The following SWI5 variants were observed in gnomAD, a reference collection of about 807,000 sequenced individuals.
SWI5 encodes SWI5 homologous recombination repair protein.
Under a neutral mutation model 17.0 loss-of-function variants are expected in SWI5, and 12 were observed. The ratio of observed to expected loss-of-function variants is 0.71; its 90% CI spans 0.45 to 1.14. The LOEUF (loss-of-function observed/expected upper bound fraction) is 1.14, where lower values mean the gene tolerates loss of function less well. Among genes scored for constraint, SWI5 ranks in the 50% most tolerant of loss-of-function variants. The pLI is 0.00. For synonymous variants in SWI5, 61 were observed against 64.0 expected, an observed-to-expected ratio of 0.95 and a Z score of 0.22; for missense variants, 158 against 162.2, an observed-to-expected ratio of 0.97 and a Z score of 0.14.
At chr9:128,288,952 A>G (rs1831692830) in exon 5 of SWI5, 5 of 573,880 alleles carry the variant, frequency 8.7e-6, no homozygotes, top group South Asian at 4.2e-5. Context: ...GTAGGGGTAC[A>G]TGTACTTTAT....
chr9:128,275,576 G>C (rs1343172977), upstream of SWI5: 1 of 1,097,206 alleles, frequency 9.1e-7, no homozygotes, highest in Non-Finnish European at 1.2e-6. Context: ...TGAATTGCTG[G>C]GGTCCTAGGT....
upstream of SWI5, chr9:128,275,406 C>A (rs1034070368): frequency 7.8e-7 from 1 of 1,287,052 alleles, no homozygotes; most frequent in Non-Finnish European, 9.9e-7. Context: ...CGCCGCTCCG[C>A]GATGGGGGAG....
chr9:128,284,614 C>T, exon 3 of SWI5: 19 of 1,613,706 alleles, frequency 1.2e-5, no homozygotes, highest in Non-Finnish European at 1.6e-5. Context: ...ACAAGGAGAT[C>T]TCCCAGTTCG....
rs758946779 is a variant in SWI5 at position 128,276,760 on chromosome 9, G to A, written c.111+5G>A. 2 of 1,607,398 alleles carry A rather than the reference G, an allele frequency of 1.2e-6. No individual in the cohort carries two copies. The highest frequency in any genetic ancestry group is 8.5e-7 in the Non-Finnish European group (1 of 1,175,648). On this transcript the variant is annotated splice_donor_5th_base_variant and intron_variant, in intron 2 of 4. Coordinates refer to ENST00000418976, the Ensembl canonical transcript of SWI5. The stretch of plus-strand genomic sequence containing the variant: ...CGCGGGGCCTTCCGATCCCCTGTGA[G>A]TATTTCTTCCCCCACACCCCCTTTC...
chr9:128,276,686 T>TC, intron 1 of SWI5, 21 bp from the exon 2 acceptor site: 1 of 1,613,782 alleles, frequency 6.2e-7, no homozygotes. Flanking sequence ...AATCAGACTT[T>TC]CCCCTCGGAT....
At chr9:128,288,618 C>T (rs984736781) in intron 4 of SWI5, 34 bp from the exon 5 acceptor site, 5 of 1,612,756 alleles carry the variant, frequency 3.1e-6, no homozygotes, top group Non-Finnish European at 4.2e-6. Context: ...CACCTCTCCC[C>T]ACTGCACATT....
upstream of SWI5, chr9:128,276,178 T>A (rs369988723): frequency 5.7e-6 from 9 of 1,579,586 alleles, no homozygotes; most frequent in African/African-American, 6.8e-5. Flanking sequence ...ACCTGTGGCG[T>A]CACAACAAAA....
chr9:128,286,901 C>T (rs1296720063), intron 4 of SWI5, among the ~76,000 whole-genome samples: 3 of 151,858 alleles, frequency 2.0e-5, no homozygotes, highest in Admixed American at 6.6e-5. Flanking sequence ...ATCCCAGCAC[C>T]GTGGGAGGCC....
intron 2 of SWI5, among the ~76,000 whole-genome samples, chr9:128,280,642 C>T (rs1451597606): frequency 6.6e-6 from 1 of 152,110 alleles, no homozygotes; most frequent in Admixed American, 6.6e-5. Flanking sequence ...CTCAGCCTCC[C>T]GACTAGCTGG....
At position 128,276,759 on chromosome 9, in the gene SWI5, A is replaced by AGGG; in HGVS notation, c.111+5_111+6insGGG. The AGGG allele has an allele frequency of 1.2e-6, 2 of 1,608,044 alleles. No individual in the cohort carries two copies. Among genetic ancestry groups the AGGG allele is most frequent in the Non-Finnish European group, 1.7e-6 (2 of 1,176,018 alleles). On this transcript the variant is annotated splice_donor_region_variant and intron_variant, in intron 2 of 4. Coordinates refer to ENST00000418976, the Ensembl canonical transcript of SWI5. ...CCGCGGGGCCTTCCGATCCCCTGTG[A>AGGG]GTATTTCTTCCCCCACACCCCCTTT... is the stretch of plus-strand genomic sequence containing the variant.
chr9:128,276,190 C>T, upstream of SWI5: 1 of 1,594,730 alleles, frequency 6.3e-7, no homozygotes. Flanking sequence ...ACAACAAAAG[C>T]TGCGCACGCA....
chr9:128,280,297 C>G (rs1473931313), intron 2 of SWI5, among the ~76,000 whole-genome samples: 1 of 151,996 alleles, frequency 6.6e-6, no homozygotes, highest in Non-Finnish European at 1.5e-5. Context: ...TATCTCTCTC[C>G]AGCCCTGACC....
At chr9:128,279,965 T>C (rs1344800762) in intron 2 of SWI5, among the ~76,000 whole-genome samples, 1 of 152,188 alleles carries the variant, frequency 6.6e-6, no homozygotes, top group Non-Finnish European at 1.5e-5. Context: ...CCTGACCCTA[T>C]ACTTGCCGGT....
At chr9:128,282,948 C>T (rs76923384) in intron 2 of SWI5, among the ~76,000 whole-genome samples, 3 of 152,072 alleles carry the variant, frequency 2.0e-5, no homozygotes, top group East Asian at 1.9e-4. Flanking sequence ...GAGGCTGAGG[C>T]GGGCAGATCA....
At chr9:128,276,048 C>A, upstream of SWI5, 6 of 1,586,950 alleles carry the variant, frequency 3.8e-6, no homozygotes, top group African/African-American at 1.4e-5. Flanking sequence ...CCAGAGGAGG[C>A]GTAACCAGGG....
At chr9:128,280,819 A>G (rs1254995082) in intron 2 of SWI5, among the ~76,000 whole-genome samples, 2 of 151,462 alleles carry the variant, frequency 1.3e-5, no homozygotes, top group African/African-American at 2.4e-5. Flanking sequence ...GCCCGGTCGC[A>G]TTTGTTCTTT....
chr9:128,276,155 C>CGT, upstream of SWI5: 1 of 1,568,338 alleles, frequency 6.4e-7, no homozygotes, highest in Non-Finnish European at 8.6e-7. Context: ...TATGCAGCGG[C>CGT]GTGGCCAGAG....
At chr9:128,276,674 C>G in intron 1 of SWI5, 33 bp from the exon 2 acceptor site, 1 of 1,614,060 alleles carries the variant, frequency 6.2e-7, no homozygotes, top group Non-Finnish European at 8.5e-7. Flanking sequence ...GGCTGTGGGT[C>G]CAATCAGACT....
intron 2 of SWI5, among the ~76,000 whole-genome samples, chr9:128,277,946 C>CTGTTTTTTTTTTTTTTT: frequency 8.0e-6 from 1 of 124,472 alleles, no homozygotes; most frequent in African/African-American, 3.0e-5. Context: ...TTCATTCCTT[C>CTGTTTTTTTTTTTTTTT]TCTTTTTTTT....
Sources: allele counts gnomAD v4.1 joint callset (sites outside exome capture counted in the v4.1 genomes callset), GRCh38; gene constraint gnomAD v4.1.1; transcripts MANE v1.5; gene names NCBI Gene and HGNC (gene_info 2026-07-23, HGNC 2026-07-21).